The following CTSZ variants were observed in gnomAD, a reference collection of about 807,000 sequenced individuals.
CTSZ encodes the protein carboxypeptidase LB.
In CTSZ, 39 loss-of-function variants were observed where a neutral mutation model predicts 32.4. The observed-to-expected ratio is 1.20, with a 90% CI of 0.93 to 1.57. The LOEUF is 1.57. CTSZ is among the 40% of genes most tolerant of loss of function. CTSZ has a pLI of 0.00. For synonymous variants in CTSZ, 168 were observed against 170.1 expected, an observed-to-expected ratio of 0.99 and a Z score of 0.10; for missense variants, 397 against 419.6, an observed-to-expected ratio of 0.95 and a Z score of 0.47.
Position 59,001,457 on chromosome 20 carries a change from C to A in CTSZ, c.487+8G>T. Reference sequence around the variant, plus strand: ...GAGGGTGGAGTGGGGGCACGGGCAGCAGCCTACCCTGGTCCTTGGCCTGGT... The same window carrying A: ...GAGGGTGGAGTGGGGGCACGGGCAGAAGCCTACCCTGGTCCTTGGCCTGGT... On this transcript the variant is annotated splice_region_variant and intron_variant, in intron 3 of 5. Transcript: ENST00000217131. 1 of 1,601,486 alleles carries A rather than the reference C, an allele frequency of 6.2e-7. No individual in the cohort carries two copies. The highest frequency in any genetic ancestry group is 8.5e-7 in the Non-Finnish European group (1 of 1,170,536).
rs753801317 is a variant in CTSZ, at chr20:58,996,683, C to T, written c.757G>A (p.Gly253Arg). The T allele has an allele frequency of 3.1e-6, 5 of 1,614,176 alleles. No homozygotes were observed. The highest frequency in any genetic ancestry group is 2.2e-5 in the East Asian group (1 of 44,878). Residue 253 changes from glycine (G) to arginine (R), a missense_variant, in exon 5 of 6, where the codon GGG becomes AGG. By Grantham distance (125) the Gly-to-Arg change is moderately radical. Transcript: ENST00000217131. Reference sequence around the variant, plus strand: ...TTCCGGACAATCCAGTACTCAGTCCCATCACTGATGCCCCACCCAGCCACA... The same window carrying T: ...TTCCGGACAATCCAGTACTCAGTCCTATCACTGATGCCCCACCCAGCCACA... The part of the protein sequence containing the change: ...VSVAGWGISD[G>R]TEYWIVRNSW...
At position 58,995,717 on chromosome 20, in the gene CTSZ, C is replaced by G. The variant is rs931925541; in HGVS notation, c.844G>C (p.Asp282His). The G allele has an allele frequency of 2.5e-6, 4 of 1,614,162 alleles. No homozygotes were observed. In the South Asian group the frequency reaches 3.3e-5, roughly 13 times the overall value. ...WLRIVTSTYK[D>H]GKGARYNLAI... ...AGGTTGTATCTGGCGCCCTTCCCAT[C>G]CTTATAGGTGCTGGTCACGATCCTC... The change falls in exon 6 of 6, where the codon GAT (aspartate) becomes CAT (histidine). Residue 282 changes from aspartate to histidine, a missense_variant. By Grantham distance (81) the Asp-to-His change is moderately conservative. Coordinates refer to ENST00000217131, the MANE Select transcript of CTSZ (RefSeq NM_001336.4).
In CTSZ at chr20:58,997,619, C is replaced by T. The variant is rs150603913; in HGVS notation, c.622G>A (p.Ala208Thr). The change falls in exon 4 of 6, where the codon GCA (alanine) becomes ACA (threonine). Residue 208 changes from alanine (A) to threonine (T), a missense_variant. Physicochemically the swap from Ala to Thr is moderately conservative, Grantham distance 58 (BLOSUM62 0). Transcript: ENST00000217131. ...TCTCCTCACCTGATGGGACCATTTG[C>T]ATAGATTTCTGCCATCATCTTCTCC... is the stretch of plus-strand genomic sequence containing the variant. ...GREKMMAEIY[A>T]NGPISCGIMA... The T allele has an allele frequency of 9.5e-4, 1,525 of 1,599,952 alleles. 18 individuals carry two copies. In the African/African-American group the frequency reaches 0.015, roughly 16 times the overall value.
rs369596127 is a variant in CTSZ, at chr20:59,001,709, TGGACGCCTCAGGCGG to T, written c.308-80_308-66del. 1.5e-3 allele frequency: 2,321 copies of T among 1,550,038 alleles called. 28 individuals carry two copies. The African/African-American group carries it at 0.027, about 18-fold the overall frequency. ...CTCCACCCACTTCCCCGAACGGACCTGGACGCCTCAGGCGGGATGCAGGCGCTGCCCAGCCTGGCC... is the reference window on the plus strand; with the variant it reads ...CTCCACCCACTTCCCCGAACGGACCTGATGCAGGCGCTGCCCAGCCTGGCC... On this transcript the variant is annotated intron_variant, in intron 2 of 5. Coordinates refer to ENST00000217131, the MANE Select transcript of CTSZ (RefSeq NM_001336.4).
chr20:58,998,211 T>C (rs1261691911), intron 3 of CTSZ, among the ~76,000 whole-genome samples: 2 of 151,288 alleles, frequency 1.3e-5, no homozygotes, highest in African/African-American at 4.9e-5. Context: ...AAAAAAAAAA[T>C]TCTGGTTATT....
At chr20:59,006,622 G>T in intron 1 of CTSZ, 137 bp from the exon 2 acceptor site, 1 of 903,802 alleles carries the variant, frequency 1.1e-6, no homozygotes, top group Non-Finnish European at 1.7e-6. Flanking sequence ...CCAGAGGTGA[G>T]CCAGGTGTGG....
chr20:59,001,606 T>A lies in CTSZ; in HGVS notation c.346A>T (p.Thr116Ser). Residue 116 changes from threonine (T) to serine (S), a missense_variant, in exon 3 of 6, where the codon ACC becomes TCC. Coordinates refer to ENST00000217131, the MANE Select transcript of CTSZ (RefSeq NM_001336.4). ...ATGACGTTCTGCACGGACAGGAGGG[T>A]GGAGGGCCACGCTCCCTTCCTCTTG... ...NIKRKGAWPS[T>S]LLSVQNVIDC... The A allele has an allele frequency of 1.9e-6, 3 of 1,613,976 alleles. No individual in the cohort carries two copies. The highest frequency in any genetic ancestry group is 2.5e-6 in the Non-Finnish European group (3 of 1,179,966).
At chr20:58,996,969 C>T (rs116526567) in intron 4 of CTSZ, among the ~76,000 whole-genome samples, 168 bp from the exon 5 acceptor site, 5,159 of 152,102 alleles carry the variant, frequency 0.034, 294 homozygotes, top group African/African-American at 0.12. Flanking sequence ...CCAGCCTGGG[C>T]AAGATGGCGA....
At chr20:59,006,620 G>T in intron 1 of CTSZ, 135 bp from the exon 2 acceptor site, 1 of 940,078 alleles carries the variant, frequency 1.1e-6, no homozygotes, top group Non-Finnish European at 1.6e-6. Flanking sequence ...CACCAGAGGT[G>T]AGCCAGGTGT....
Position 59,007,170 on chromosome 20 carries a change from C to A in CTSZ, c.-42G>T. On this transcript the variant is annotated 5_prime_UTR_variant, in exon 1 of 6. Transcript: ENST00000217131. ...CTGGGTCCCGCTCCGGATCCCGCTC[C>A]GAGTCCCAGATCCCGCGCCGGCTCC... The A allele has an allele frequency of 7.6e-7, 1 of 1,309,538 alleles. No individual in the cohort carries two copies. Among genetic ancestry groups the A allele is most frequent in the Non-Finnish European group, 9.6e-7 (1 of 1,036,920 alleles). 81.1% of individuals were successfully genotyped at this position (1,309,538 alleles called of 1,614,324 possible).
chr20:59,006,109 A>T lies in CTSZ; in HGVS notation c.307+213T>A, dbSNP rs554737002. The T allele has an allele frequency of 2.1e-4, 124 of 596,718 alleles. No homozygotes were observed. The South Asian group carries it at 2.5e-3, about 12-fold the overall frequency. 37.0% of individuals were successfully genotyped at this position (596,718 alleles called of 1,614,324 possible). On this transcript the variant is annotated intron_variant, in intron 2 of 5. Coordinates refer to ENST00000217131, the MANE Select transcript of CTSZ (RefSeq NM_001336.4). ...CCACTTGTCACTGGGATTCAGTCCT[A>T]GTCCTGCCTGTCACCCAAAAGCCCC...
At chr20:59,003,585 G>A (rs540548857) in intron 2 of CTSZ, among the ~76,000 whole-genome samples, 38 of 152,316 alleles carry the variant, frequency 2.5e-4, no homozygotes, top group African/African-American at 9.1e-4. Context: ...ATCTGTAACT[G>A]TGCAAAGTCT....
At chr20:59,001,826 G>A (rs13037079) in intron 2 of CTSZ, among the ~76,000 whole-genome samples, 182 bp from the exon 3 acceptor site, 29,364 of 152,192 alleles carry the variant, frequency 0.19, 3,373 homozygotes, top group African/African-American at 0.32. Context: ...CTCAGACGTC[G>A]CTCTGCAGAG....
Position 58,995,480 on chromosome 20 carries a change from C to T in CTSZ, c.*169G>A. 1 of 593,100 alleles carries T rather than the reference C, an allele frequency of 1.7e-6. No homozygotes were observed. Among genetic ancestry groups the T allele is most frequent in the Non-Finnish European group, 3.0e-6 (1 of 334,202 alleles). 36.7% of individuals were successfully genotyped at this position (593,100 alleles called of 1,614,324 possible). ...GCTGTGCAAGTGTCATAAGTCATCC[C>T]ACTTTCAACTCTCAGGAACACTCGC... On this transcript the variant is annotated 3_prime_UTR_variant, in exon 6 of 6. Coordinates refer to ENST00000217131, the MANE Select transcript of CTSZ (RefSeq NM_001336.4).
intron 1 of CTSZ, 94 bp from the exon 2 acceptor site, chr20:59,006,579 A>C: frequency 7.5e-7 from 1 of 1,327,506 alleles, no homozygotes; most frequent in Non-Finnish European, 1.0e-6. Context: ...GCCTTTCCCA[A>C]CACCTGAGGG....
intron 5 of CTSZ, among the ~76,000 whole-genome samples, chr20:58,996,195 T>A (rs1391690184): frequency 6.6e-6 from 1 of 152,188 alleles, no homozygotes; most frequent in Admixed American, 6.5e-5. Flanking sequence ...TCTCCTGGAT[T>A]TTTGGCCCAA....
Position 58,995,709 on chromosome 20 carries a change from C to T in CTSZ, c.852G>A (p.Lys284=). ...RIVTSTYKDG[K]GARYNLAIEE... is the part of the protein sequence containing the mutation. ...CGATGGCAAGGTTGTATCTGGCGCC[C>T]TTCCCATCCTTATAGGTGCTGGTCA... is the stretch of plus-strand genomic sequence containing the variant. Residue 284 remains lysine, a synonymous_variant, in exon 6 of 6, where the codon AAG becomes AAA. Coordinates refer to ENST00000217131, the MANE Select transcript of CTSZ (RefSeq NM_001336.4). 1.2e-6 allele frequency: 2 copies of T among 1,614,176 alleles called. No individual in the cohort carries two copies. The highest frequency in any genetic ancestry group is 1.7e-6 in the Non-Finnish European group (2 of 1,180,018).
At chr20:58,998,307 G>A (rs755741121) in intron 3 of CTSZ, among the ~76,000 whole-genome samples, 3 of 152,104 alleles carry the variant, frequency 2.0e-5, no homozygotes, top group Non-Finnish European at 2.9e-5. Flanking sequence ...TTGGGAGGCC[G>A]AGGTGGGTGG....
Position 59,004,032 on chromosome 20 carries a change from C to G in CTSZ, c.307+2290G>C, listed in dbSNP as rs747875098. ...CGGTGCGTGATTTCTGCATCTGCTT[C>G]GAAGGTAGAACCGACAAGACTTGTG... On this transcript the variant is annotated intron_variant, in intron 2 of 5. Coordinates refer to ENST00000217131, the MANE Select transcript of CTSZ (RefSeq NM_001336.4). The surrounding 1 kb of genome is among the most constrained non-coding windows in gnomAD (Gnocchi z 5.6). 6.6e-6 allele frequency among the ~76,000 whole-genome samples: 1 copy of G among 152,056 alleles called. No homozygotes were observed. Among genetic ancestry groups the G allele is most frequent in the African/African-American group, 2.4e-5 (1 of 41,390 alleles).
Sources: allele counts gnomAD v4.1 joint callset (sites outside exome capture counted in the v4.1 genomes callset), GRCh38; gene constraint gnomAD v4.1.1; non-coding constraint Gnocchi (gnomAD v3.1); transcripts MANE v1.5; gene names NCBI Gene and HGNC (gene_info 2026-07-23, HGNC 2026-07-21).